GABBR2: variants seen among roughly 807,000 people sequenced by gnomAD.
GABBR2 encodes the protein gamma-aminobutyric acid type B receptor subunit 2.
A neutral mutation model predicts 105.6 loss-of-function variants in GABBR2; 23 were observed. That is an observed-to-expected ratio of 0.22 (90% CI 0.16 to 0.31). The LOEUF (loss-of-function observed/expected upper bound fraction) is 0.31. Among genes scored for constraint, GABBR2 ranks in the 10% least tolerant of loss-of-function variants. The probability of loss-of-function intolerance (pLI) is 1.00; values close to 1 mark genes in which losing one functional copy is unlikely to be tolerated. For synonymous variants in GABBR2, 478 were observed against 499.7 expected, an observed-to-expected ratio of 0.96 and a Z score of 0.58; for missense variants, 734 against 1,245.5, an observed-to-expected ratio of 0.59 and a Z score of 6.18.
At chr9:98,594,867 T>G (rs1377525709) in intron 1 of GABBR2, among the ~76,000 whole-genome samples, 1 of 152,184 alleles carries the variant, frequency 6.6e-6, no homozygotes, top group African/African-American at 2.4e-5. Flanking sequence ...TTGCTAACCA[T>G]GAATGCTGAA....
intron 3 of GABBR2, among the ~76,000 whole-genome samples, chr9:98,541,031 G>A (rs1053655795): frequency 2.6e-5 from 4 of 152,100 alleles, no homozygotes; most frequent in African/African-American, 9.7e-5. Flanking sequence ...CTGCCAAGAC[G>A]CACACCTAGC....
rs1206364702 is a variant in GABBR2, at chr9:98,288,320, C to G, written c.*2264G>C. 6.6e-6 allele frequency: 1 copy of G among 152,390 alleles called. No individual in the cohort carries two copies. The highest frequency in any genetic ancestry group is 1.5e-5 in the Non-Finnish European group (1 of 68,012). The allele number at this position is 152,390 out of a possible 1,614,324, so 9.4% of individuals were successfully genotyped here. A position where few individuals can be genotyped will look rare whatever the true frequency, so the allele number is the denominator to read the frequency against. On this transcript the variant is annotated 3_prime_UTR_variant, in exon 19 of 19. Transcript: ENST00000259455. ...ATAAAAGAACAGAACCATTAAGTAG[C>G]TAGAGTCACTTCTGTGGGTCTTGTT...
intron 3 of GABBR2, among the ~76,000 whole-genome samples, chr9:98,533,803 G>T (rs1206688990): frequency 1.3e-5 from 2 of 152,212 alleles, no homozygotes; most frequent in Non-Finnish European, 2.9e-5. Flanking sequence ...CCTGCCAAGA[G>T]AGAAGCCAGC....
At chr9:98,609,358 C>T (rs1234026509) in intron 1 of GABBR2, among the ~76,000 whole-genome samples, 1 of 152,178 alleles carries the variant, frequency 6.6e-6, no homozygotes, top group Non-Finnish European at 1.5e-5. Context: ...TATCTTTTCC[C>T]ATTTCTGTGC....
Position 98,290,528 on chromosome 9 carries a change from C to G in GABBR2, c.*56G>C, listed in dbSNP as rs943363250. On this transcript the variant is annotated 3_prime_UTR_variant, in exon 19 of 19. Coordinates refer to ENST00000259455, the MANE Select transcript of GABBR2 (RefSeq NM_005458.8). ...GCCGACAGTGTTTCTGCAGCAGACC[C>G]CTCTGCCCAGTGTGGTTCTGTCACG... 5.1e-5 allele frequency: 62 copies of G among 1,206,510 alleles called. No individual in the cohort carries two copies. Among genetic ancestry groups the G allele is most frequent in the Non-Finnish European group, 6.2e-5 (58 of 930,802 alleles). The allele number at this position is 1,206,510 out of a possible 1,614,324, so 74.7% of individuals were successfully genotyped here.
At chr9:98,533,999 TC>T (rs991883732) in intron 3 of GABBR2, among the ~76,000 whole-genome samples, 13 of 152,166 alleles carry the variant, frequency 8.5e-5, no homozygotes, top group African/African-American at 3.1e-4. Context: ...GCCCAGGGTC[TC>T]CCCGTCCTCC....
chr9:98,356,786 AAAC>A (rs1171270246), intron 13 of GABBR2, among the ~76,000 whole-genome samples: 1 of 152,242 alleles, frequency 6.6e-6, no homozygotes, highest in African/African-American at 2.4e-5. Flanking sequence ...GTGAATGAAT[AAAC>A]AATCTGTGGT....
At chr9:98,425,841 C>G (rs4743222) in intron 7 of GABBR2, among the ~76,000 whole-genome samples, 1 of 152,066 alleles carries the variant, frequency 6.6e-6, no homozygotes, top group Non-Finnish European at 1.5e-5. Flanking sequence ...AGTCCTACCC[C>G]GGGTTGGCTG....
chr9:98,687,932 C>T (rs879664395), intron 1 of GABBR2, among the ~76,000 whole-genome samples: 67 of 152,284 alleles, frequency 4.4e-4, no homozygotes, highest in African/African-American at 6.5e-4. Context: ...TGGGCATGTT[C>T]GATGGTCTCA....
chr9:98,701,985 T>C (rs1183363773), intron 1 of GABBR2, among the ~76,000 whole-genome samples: 1 of 152,110 alleles, frequency 6.6e-6, no homozygotes, highest in Non-Finnish European at 1.5e-5. Flanking sequence ...GTGCCGATCA[T>C]TGATTGGATT....
intron 7 of GABBR2, among the ~76,000 whole-genome samples, chr9:98,444,925 G>C (rs960732241): frequency 6.6e-6 from 1 of 152,118 alleles, no homozygotes; most frequent in East Asian, 1.9e-4. Flanking sequence ...GTGAATTACC[G>C]CTACCAGGTA....
intron 2 of GABBR2, 118 bp downstream of exon 2, chr9:98,577,817 G>T: frequency 1.0e-6 from 1 of 971,376 alleles, no homozygotes; most frequent in Non-Finnish European, 1.5e-6. Context: ...CCAGGAGAAA[G>T]TCCAGGAGGC....
At chr9:98,636,286 C>T (rs1009691752) in intron 1 of GABBR2, among the ~76,000 whole-genome samples, 2 of 152,122 alleles carry the variant, frequency 1.3e-5, no homozygotes, top group Non-Finnish European at 2.9e-5. Flanking sequence ...GCTTCTGGGG[C>T]TGCCACTCTC....
intron 1 of GABBR2, among the ~76,000 whole-genome samples, chr9:98,606,429 G>C (rs1829421833): frequency 6.6e-6 from 1 of 151,364 alleles, no homozygotes; most frequent in African/African-American, 2.4e-5. Flanking sequence ...CAAACTGCTT[G>C]TAATAATGCC....
At chr9:98,501,295 GCTGAGATTA>G (rs1191365439) in intron 3 of GABBR2, among the ~76,000 whole-genome samples, 1 of 151,990 alleles carries the variant, frequency 6.6e-6, no homozygotes, top group Non-Finnish European at 1.5e-5. Flanking sequence ...CTCCCAAATA[GCTGAGATTA>G]CAGGTGCCCG....
At chr9:98,568,598 C>A (rs894149055) in intron 2 of GABBR2, among the ~76,000 whole-genome samples, 2 of 152,124 alleles carry the variant, frequency 1.3e-5, no homozygotes, top group Non-Finnish European at 2.9e-5. Context: ...GTGGGAGGGG[C>A]AGTCACCAGC....
At chr9:98,370,089 C>T (rs888036401) in intron 12 of GABBR2, among the ~76,000 whole-genome samples, 1 of 152,002 alleles carries the variant, frequency 6.6e-6, no homozygotes, top group African/African-American at 2.4e-5. Context: ...AAAAGAGAGG[C>T]AGCTACTACA....
rs1564026872 is a variant in GABBR2 at position 98,349,344 on chromosome 9, G to GTTTTTT, written c.1893+13370_1893+13371insAAAAAA. On this transcript the variant is annotated intron_variant, in intron 13 of 18. Coordinates refer to ENST00000259455, the MANE Select transcript of GABBR2 (RefSeq NM_005458.8). ...TTTGGTTTGCCAATATTTTGTTGAAGTTTTGTTTTTTTTTTTTTTTTTTTT... is the reference window on the plus strand; with the variant it reads ...TTTGGTTTGCCAATATTTTGTTGAAGTTTTTTTTTTGTTTTTTTTTTTTTTTTTTTT... 1.4e-3 allele frequency among the ~76,000 whole-genome samples: 151 copies of GTTTTTT among 105,482 alleles called. 28 individuals carry two copies. Among genetic ancestry groups the GTTTTTT allele is most frequent in the Non-Finnish European group, 2.1e-3 (115 of 55,454 alleles). The allele number at this position is 105,482 out of a possible 152,430, so 69.2% of individuals were successfully genotyped here. A position where few individuals can be genotyped will look rare whatever the true frequency, so the allele number is the denominator to read the frequency against.
intron 1 of GABBR2, among the ~76,000 whole-genome samples, chr9:98,702,230 G>C (rs1385126404): frequency 6.6e-6 from 1 of 151,870 alleles, no homozygotes; most frequent in Non-Finnish European, 1.5e-5. Flanking sequence ...CTCTCTCCTT[G>C]TCCCCCTAGG....
Sources: allele counts gnomAD v4.1 joint callset (sites outside exome capture counted in the v4.1 genomes callset), GRCh38; gene constraint gnomAD v4.1.1; transcripts MANE v1.5; gene names NCBI Gene and HGNC (gene_info 2026-07-23, HGNC 2026-07-21).